The following NEB variants were observed in gnomAD, a reference collection of about 807,000 sequenced individuals.
NEB encodes the protein nemaline myopathy type 2.
In NEB, 512 loss-of-function variants were observed where a neutral mutation model predicts 952.2. That is an observed-to-expected ratio of 0.54 (90% CI 0.50 to 0.58). NEB has a LOEUF of 0.58. Ranked by LOEUF, NEB falls within the 20% of genes least tolerant of loss-of-function variation. The pLI, the probability that NEB is intolerant of heterozygous loss-of-function variation, is 0.00. For missense variants in NEB, 8,428 were observed against 9,231.1 expected (o/e 0.91, Z 3.56); for synonymous variants, 2,900 against 3,149.8 (o/e 0.92, Z 2.66).
At chr2:151,562,370 G>A (rs776591459) in intron 120 of NEB, among the ~76,000 whole-genome samples, 156 bp from the exon 121 acceptor site, 8 of 152,192 alleles carry the variant, frequency 5.3e-5, no homozygotes, top group Non-Finnish European at 1.0e-4. Flanking sequence ...CAAGCCTAAA[G>A]AAGCTTGAGA....
intron 168 of NEB, among the ~76,000 whole-genome samples, chr2:151,499,939 G>A (rs2063166574): frequency 6.6e-6 from 1 of 152,126 alleles, no homozygotes; most frequent in South Asian, 2.1e-4. Context: ...TGCAATCTGT[G>A]TAAAAATTAA....
At chr2:151,503,626 T>TAC (rs1159928719) in intron 165 of NEB, among the ~76,000 whole-genome samples, 185 bp from the exon 166 acceptor site, 1 of 152,156 alleles carries the variant, frequency 6.6e-6, no homozygotes. Context: ...GTAAAAATTT[T>TAC]TACTACTTTG....
intron 72 of NEB, among the ~76,000 whole-genome samples, chr2:151,620,289 C>G (rs1221176842): frequency 7.4e-6 from 1 of 134,658 alleles, no homozygotes; most frequent in Admixed American, 7.9e-5. Context: ...CCCCACCAAA[C>G]AGTATACTTG....
chr2:151,682,574 G>T, intron 29 of NEB, 88 bp downstream of exon 29: 1 of 1,066,054 alleles, frequency 9.4e-7, no homozygotes, highest in Non-Finnish European at 1.4e-6. Flanking sequence ...GACTGAGAAT[G>T]AAGCAATGAA....
intron 3 of NEB, among the ~76,000 whole-genome samples, 190 bp downstream of exon 3, chr2:151,732,931 C>T (rs529679573): frequency 5.9e-4 from 90 of 152,290 alleles, no homozygotes; most frequent in African/African-American, 2.1e-3. Flanking sequence ...GTGATATTTC[C>T]TGTCAATTCT....
At chr2:151,705,690 G>A (rs760014382) in intron 13 of NEB, among the ~76,000 whole-genome samples, 8 of 152,104 alleles carry the variant, frequency 5.3e-5, no homozygotes, top group African/African-American at 1.2e-4. Flanking sequence ...ATCAACCAAC[G>A]AGAGGATAAA....
chr2:151,611,887 G>A (rs562252715), intron 78 of NEB, among the ~76,000 whole-genome samples: 7 of 152,310 alleles, frequency 4.6e-5, no homozygotes, highest in African/African-American at 1.7e-4. Context: ...CTCTGCCTAG[G>A]AGAATGTGTG....
rs765811077 is a variant in NEB, at chr2:151,535,712, A to G, written c.21291T>C (p.Tyr7097=). The change falls in exon 142 of 182, where the codon TAT becomes TAC. Residue 7097 remains tyrosine, a synonymous_variant. Transcript: ENST00000397345. ...ADSPINRHFK[Y]ATQLMNERKY... is the part of the protein sequence containing the mutation. ...ATACCTCATTCATCAATTGAGTTGC[A>G]TACTTGAAATGCCTATTGATCGGAG... 5 of 1,607,528 alleles carry G rather than the reference A, an allele frequency of 3.1e-6. No individual in the cohort carries two copies. The highest frequency in any genetic ancestry group is 4.3e-6 in the Non-Finnish European group (5 of 1,176,022).
At chr2:151,732,612 A>G (rs907399384) in intron 3 of NEB, among the ~76,000 whole-genome samples, 1 of 152,146 alleles carries the variant, frequency 6.6e-6, no homozygotes, top group Non-Finnish European at 1.5e-5. Flanking sequence ...GCACATGTGT[A>G]TGTATTATGT....
chr2:151,545,671 G>T (rs774610213), intron 135 of NEB, among the ~76,000 whole-genome samples: 1 of 152,098 alleles, frequency 6.6e-6, no homozygotes, highest in African/African-American at 2.4e-5. Context: ...ATGAATATGC[G>T]TATCTTACCA....
chr2:151,573,117 G>A (rs1026381630), intron 107 of NEB, among the ~76,000 whole-genome samples: 1 of 152,138 alleles, frequency 6.6e-6, no homozygotes, highest in Non-Finnish European at 1.5e-5. Flanking sequence ...AATAACGGCA[G>A]CAGTTTTAAA....
In NEB at chr2:151,614,147, T is replaced by G; in HGVS notation, c.11601+129A>C. On this transcript the variant is annotated intron_variant, in intron 77 of 181. Transcript: ENST00000397345. ...TTCTGAAACTAAATACATACTTTAT[T>G]TTGTGCATTTCAGAACATTATCCTA... The G allele has an allele frequency of 4.7e-6, 5 of 1,069,412 alleles. No individual in the cohort carries two copies. In the South Asian group the frequency reaches 6.8e-5, roughly 15 times the overall value. 66.2% of individuals were successfully genotyped at this position (1,069,412 alleles called of 1,614,324 possible). A position where few individuals can be genotyped will look rare whatever the true frequency, so the allele number is the denominator to read the frequency against.
chr2:151,569,026 T>G (rs1177436134), intron 110 of NEB, among the ~76,000 whole-genome samples: 1 of 152,218 alleles, frequency 6.6e-6, no homozygotes, highest in East Asian at 1.9e-4. Context: ...TTGCTATTGC[T>G]GACAAAAAGA....
Position 151,583,750 on chromosome 2 carries a change from C to A in NEB, c.15680G>T (p.Gly5227Val). 2.6e-6 allele frequency: 1 copy of A among 380,622 alleles called. No individual in the cohort carries two copies. The highest frequency in any genetic ancestry group is 4.3e-6 in the Non-Finnish European group (1 of 233,482). 23.6% of individuals were successfully genotyped at this position (380,622 alleles called of 1,614,324 possible). The change falls in exon 101 of 182, where the codon GGT becomes GTT. Residue 5227 changes from glycine (G) to valine (V), a missense_variant. This residue lies in a region of NEB where 40 missense variants were observed against 61.2 expected (regional missense o/e 0.65). Coordinates refer to ENST00000397345, the MANE Select transcript of NEB (RefSeq NM_001164508.2). ...EIASEYKYKEGYRKQLGHHMG... is the reference protein window; with the variant it reads ...EIASEYKYKEVYRKQLGHHMG... ...GTGGTGGCCCAGTTGCTTACGGTAA[C>A]CTTCTTTGTATTTGTACTAAAGTAG...
In NEB at chr2:151,497,317, C is replaced by A. The variant is rs2060894449; in HGVS notation, c.24301-284G>T. On this transcript the variant is annotated intron_variant, in intron 171 of 181. Coordinates refer to ENST00000397345, the MANE Select transcript of NEB (RefSeq NM_001164508.2). ...TCCTTTTTTGTGAGTACCATGCCTC[C>A]TAAACAATTATATGAGGATTTGAGA... 8 of 978,732 alleles carry A rather than the reference C, an allele frequency of 8.2e-6. No homozygotes were observed. In the South Asian group the frequency reaches 3.3e-4, roughly 41 times the overall value. The allele number at this position is 978,732 out of a possible 1,614,324, so 60.6% of individuals were successfully genotyped here.
At position 151,612,281 on chromosome 2, in the gene NEB, TC is replaced by T. The variant is rs1265332086; in HGVS notation, c.11709del (p.Lys3904SerfsTer22). ...VKRAGEILSD[R>X]KYRQPADQLK... is the part of the protein sequence containing the mutation. ...AGCTGGTCTGCAGGCTGGCGATACT[TC>T]CTGTCACTCAGGATTTCTCCAGCTC... On this transcript the variant is annotated frameshift_variant, in exon 78 of 182. Transcript: ENST00000397345. LOFTEE classifies it high-confidence loss of function. 1 of 1,613,742 alleles carries T rather than the reference TC, an allele frequency of 6.2e-7. No individual in the cohort carries two copies. Among genetic ancestry groups the T allele is most frequent in the Non-Finnish European group, 8.5e-7 (1 of 1,179,824 alleles).
rs543131351 is a variant in NEB, at chr2:151,527,458, C to T, written c.21840+23G>A. 10 of 1,549,900 alleles carry T rather than the reference C, an allele frequency of 6.5e-6. No individual in the cohort carries two copies. The African/African-American group carries it at 6.8e-5, about 11-fold the overall frequency. On this transcript the variant is annotated intron_variant, in intron 147 of 181. Transcript: ENST00000397345. ...CTCAGGTGCAGTATGCAGTTACAATCGTCTGTGTCTCTCCTGTCTTACATC... is the reference window on the plus strand; with the variant it reads ...CTCAGGTGCAGTATGCAGTTACAATTGTCTGTGTCTCTCCTGTCTTACATC...
At chr2:151,536,663 A>C (rs890283570) in intron 141 of NEB, among the ~76,000 whole-genome samples, 1 of 152,198 alleles carries the variant, frequency 6.6e-6, no homozygotes, top group East Asian at 1.9e-4. Flanking sequence ...TTTATTTACT[A>C]TCTGGCATTT....
intron 147 of NEB, 113 bp downstream of exon 147, chr2:151,527,368 A>G (rs2086904716): frequency 2.2e-6 from 2 of 900,362 alleles, no homozygotes; most frequent in South Asian, 3.7e-5. Flanking sequence ...TCCTTCTCGG[A>G]TCTCAAACGA....
Sources: gnomAD v4.1 joint callset for allele counts (sites outside exome capture counted in the v4.1 genomes callset) on GRCh38, gnomAD v4.1.1 for gene constraint, gnomAD v4.1.1 regional missense constraint, MANE v1.5 for transcripts, NCBI Gene and HGNC (gene_info 2026-07-23, HGNC 2026-07-21) for gene names.